The following ANKRD17 variants were observed in gnomAD, a reference collection of about 807,000 sequenced individuals.
The protein encoded by ANKRD17 is ankyrin repeat domain 17.
A neutral mutation model predicts 229.7 loss-of-function variants in ANKRD17; 19 were observed. The ratio of observed to expected loss-of-function variants is 0.08; its 90% CI spans 0.06 to 0.12. The LOEUF (loss-of-function observed/expected upper bound fraction) is 0.12, where lower values mean the gene tolerates loss of function less well. Ranked by LOEUF, ANKRD17 falls within the 10% of genes least tolerant of loss-of-function variation. The probability of loss-of-function intolerance (pLI) is 1.00; values close to 1 mark genes in which losing one functional copy is unlikely to be tolerated. For synonymous variants in ANKRD17, 1,112 were observed against 1,146.1 expected (o/e 0.97, Z 0.60); for missense variants, 2,176 against 3,176.8 (o/e 0.68, Z 7.57).
chr4:73,089,508 A>C (rs1685388084), intron 29 of ANKRD17, among the ~76,000 whole-genome samples: 1 of 152,184 alleles, frequency 6.6e-6, no homozygotes, highest in African/African-American at 2.4e-5. Flanking sequence ...GGCATCCTGG[A>C]TTAGATCCTA....
chr4:73,243,356 T>TAGA (rs1401152625), intron 1 of ANKRD17, among the ~76,000 whole-genome samples: 1 of 152,202 alleles, frequency 6.6e-6, no homozygotes, highest in Admixed American at 6.5e-5. Flanking sequence ...ATTAGGAGGC[T>TAGA]ACTATGAAGT....
intron 1 of ANKRD17, among the ~76,000 whole-genome samples, chr4:73,230,748 G>A (rs956556847): frequency 8.5e-5 from 13 of 152,190 alleles, no homozygotes; most frequent in African/African-American, 3.1e-4. Context: ...CCCAACGTAA[G>A]TAATGTACTA....
chr4:73,179,585 C>T (rs957602001), intron 1 of ANKRD17, among the ~76,000 whole-genome samples: 6 of 143,006 alleles, frequency 4.2e-5, no homozygotes, highest in Middle Eastern at 7.8e-3. Flanking sequence ...CCTCAAACTC[C>T]TGGGATCAAG....
chr4:73,090,679 G>C lies in ANKRD17; in HGVS notation c.6949C>G (p.Pro2317Ala). 5 of 1,614,182 alleles carry C rather than the reference G, an allele frequency of 3.1e-6. No individual in the cohort carries two copies. Among genetic ancestry groups the C allele is most frequent in the Non-Finnish European group, 4.2e-6 (5 of 1,180,030 alleles). ...GFRPPLQRPA[P>A]SPSGIVNMDS... The stretch of plus-strand genomic sequence containing the variant: ...AATATAAACTCACCTGAGGGACTTG[G>C]AGCAGGTCTCTGTAATGGTGGTCTA... The change falls in exon 29 of 34, where the codon CCA (proline) becomes GCA (alanine). Residue 2317 changes from proline (P) to alanine (A), a missense_variant. Pro to Ala is a conservative substitution (Grantham distance 27). Transcript: ENST00000358602.
intron 1 of ANKRD17, among the ~76,000 whole-genome samples, chr4:73,188,000 G>A (rs960909902): frequency 6.6e-6 from 1 of 152,076 alleles, no homozygotes; most frequent in Admixed American, 6.6e-5. Context: ...TAGTGAACTA[G>A]AACTTAGTAT....
At position 73,090,916 on chromosome 4, in the gene ANKRD17, T is replaced by C. The variant is rs1722732467; in HGVS notation, c.6712A>G (p.Asn2238Asp). Residue 2238 changes from asparagine (N) to aspartate (D), a missense_variant, in exon 29 of 34, where the codon AAT (asparagine) becomes GAT (aspartate). Physicochemically the swap from Asn to Asp is conservative, Grantham distance 23 (BLOSUM62 1). This residue lies in a region of ANKRD17 where 424 missense variants were observed against 454.0 expected (regional missense o/e 0.93). Coordinates refer to ENST00000358602, the MANE Select transcript of ANKRD17 (RefSeq NM_032217.5). Reference sequence around the variant, plus strand: ...CTGAAATTGGGAGCAATAGGCTTATTTGCTGGATGTACTGAATTCTGACAA... The same window carrying C: ...CTGAAATTGGGAGCAATAGGCTTATCTGCTGGATGTACTGAATTCTGACAA... ...SACQNSVHPANKPIAPNFSAP... is the reference protein window; with the variant it reads ...SACQNSVHPADKPIAPNFSAP... 6.2e-7 allele frequency: 1 copy of C among 1,614,200 alleles called. No homozygotes were observed. The highest frequency in any genetic ancestry group is 8.5e-7 in the Non-Finnish European group (1 of 1,180,040).
At chr4:73,087,723 C>T (rs947305910) in intron 29 of ANKRD17, among the ~76,000 whole-genome samples, 3 of 152,114 alleles carry the variant, frequency 2.0e-5, no homozygotes, top group African/African-American at 7.2e-5. Context: ...TTATTGGGTG[C>T]AGTAATAGTG....
intron 1 of ANKRD17, among the ~76,000 whole-genome samples, chr4:73,196,222 TCC>T (rs1258977708): frequency 6.6e-6 from 1 of 151,904 alleles, no homozygotes; most frequent in Admixed American, 6.6e-5. Flanking sequence ...GGTCTCAAAC[TCC>T]TGACCTCACG....
At chr4:73,225,973 C>CTTTT (rs754977999) in intron 1 of ANKRD17, among the ~76,000 whole-genome samples, 41 of 92,586 alleles carry the variant, frequency 4.4e-4, no homozygotes, top group African/African-American at 5.5e-4. Flanking sequence ...GGCTCTTAAG[C>CTTTT]TTTTTTTTTT....
chr4:73,156,727 C>G (rs1291076844), intron 3 of ANKRD17, among the ~76,000 whole-genome samples: 3 of 152,080 alleles, frequency 2.0e-5, no homozygotes, highest in Admixed American at 1.3e-4. Flanking sequence ...TCCCCTTTGC[C>G]TTCCACCATG....
intron 24 of ANKRD17, among the ~76,000 whole-genome samples, chr4:73,104,410 T>C (rs1724369544): frequency 6.6e-6 from 1 of 152,194 alleles, no homozygotes; most frequent in South Asian, 2.1e-4. Flanking sequence ...GCTTGTTCTG[T>C]CTAGCTTTGA....
chr4:73,087,307 A>C (rs530035670), intron 29 of ANKRD17, among the ~76,000 whole-genome samples: 2 of 151,954 alleles, frequency 1.3e-5, no homozygotes, highest in Non-Finnish European at 2.9e-5. Flanking sequence ...CAGGTCTTAA[A>C]TTTCTGGCCT....
chr4:73,084,644 T>G (rs1721932721), intron 30 of ANKRD17, among the ~76,000 whole-genome samples: 1 of 152,082 alleles, frequency 6.6e-6, no homozygotes, highest in Non-Finnish European at 1.5e-5. Flanking sequence ...AGGCAGGGTT[T>G]TGCCATGTTG....
chr4:73,087,798 T>C (rs1308701521), intron 29 of ANKRD17, among the ~76,000 whole-genome samples: 1 of 152,108 alleles, frequency 6.6e-6, no homozygotes. Flanking sequence ...AAGTATCATG[T>C]TTGAAAGTTA....
chr4:73,105,132 G>C (rs184543709), intron 24 of ANKRD17, among the ~76,000 whole-genome samples: 5 of 151,904 alleles, frequency 3.3e-5, no homozygotes, highest in African/African-American at 7.3e-5. Flanking sequence ...AAACCTTCTG[G>C]GGGGAGATAC....
intron 2 of ANKRD17, among the ~76,000 whole-genome samples, chr4:73,167,494 C>T (rs1733392008): frequency 6.6e-6 from 1 of 152,214 alleles, no homozygotes; most frequent in Admixed American, 6.5e-5. Context: ...TTTGAATCTT[C>T]TTGTGCCTCT....
intron 1 of ANKRD17, among the ~76,000 whole-genome samples, chr4:73,218,233 G>A (rs138564608): frequency 2.0e-5 from 3 of 152,262 alleles, no homozygotes; most frequent in South Asian, 2.1e-4. Flanking sequence ...AGGGATATCC[G>A]CTTTTTAAGT....
Position 73,153,912 on chromosome 4 carries a change from T to G in ANKRD17, c.1202A>C (p.Lys401Thr). Residue 401 changes from lysine (K) to threonine (T), a missense_variant, in exon 6 of 34, where the codon AAA becomes ACA. Physicochemically the swap from Lys to Thr is moderately conservative, Grantham distance 78 (BLOSUM62 -1). Around this residue, in one of 18 missense-constraint regions of ANKRD17, gnomAD observed 184 missense variants for 357.8 expected, o/e 0.51. Coordinates refer to ENST00000358602, the MANE Select transcript of ANKRD17 (RefSeq NM_032217.5). ...AGINTHSNEFKESALTLACYK... is the reference protein window; with the variant it reads ...AGINTHSNEFTESALTLACYK... ...ACAAGCTAAGGTAAGGGCACTCTCT[T>G]TAAATTCATTAGAATGCGTATTAAT... 1 of 1,607,938 alleles carries G rather than the reference T, an allele frequency of 6.2e-7. No homozygotes were observed.
chr4:73,251,217 A>G (rs959495142), intron 1 of ANKRD17, among the ~76,000 whole-genome samples: 1 of 152,236 alleles, frequency 6.6e-6, no homozygotes, highest in African/African-American at 2.4e-5. Flanking sequence ...TATTATTTGA[A>G]GTTTCATAGC....
Sources: gnomAD v4.1 joint callset for allele counts (sites outside exome capture counted in the v4.1 genomes callset) on GRCh38, gnomAD v4.1.1 for gene constraint, gnomAD v4.1.1 regional missense constraint, MANE v1.5 for transcripts, NCBI Gene and HGNC (gene_info 2026-07-23, HGNC 2026-07-21) for gene names.